The following LOX variants were observed in gnomAD, a reference collection of about 807,000 sequenced individuals.
LOX encodes lysyl oxidase.
A neutral mutation model predicts 50.5 loss-of-function variants in LOX; 12 were observed. The ratio of observed to expected loss-of-function variants is 0.24; its 90% CI spans 0.15 to 0.38. LOX has a LOEUF of 0.38. LOX is among the 10% of genes least tolerant of loss of function. The probability of loss-of-function intolerance (pLI) is 1.00; values close to 1 mark genes in which losing one functional copy is unlikely to be tolerated. For missense variants in LOX, 504 were observed against 563.8 expected, an observed-to-expected ratio of 0.89 and a Z score of 1.07; for synonymous variants, 254 against 230.6, an observed-to-expected ratio of 1.10 and a Z score of -0.92.
intron 6 of LOX, among the ~76,000 whole-genome samples, chr5:122,068,951 G>T (rs1561416573): frequency 6.6e-6 from 1 of 151,980 alleles, no homozygotes; most frequent in African/African-American, 2.4e-5. Context: ...TCGGGGGTTG[G>T]TTCTACTATA....
chr5:122,076,813 C>G, intron 2 of LOX, 80 bp downstream of exon 2: 1 of 1,228,992 alleles, frequency 8.1e-7, no homozygotes, highest in Non-Finnish European at 1.2e-6. Flanking sequence ...CTGCGCGAAG[C>G]AGTAGCAGTC....
intron 2 of LOX, 144 bp downstream of exon 2, chr5:122,076,749 G>T: frequency 1.5e-6 from 1 of 648,382 alleles, no homozygotes; most frequent in Non-Finnish European, 2.7e-6. Context: ...AGGTCAGCAT[G>T]CCCAGGAGGT....
Position 122,077,295 on chromosome 5 carries a change from G to A in LOX, c.631+60C>T. ...CGCCGCGCCCAGGCAGCCACGTCGA[G>A]AAGCCACATAGCTGGGGACCAGGTG... On this transcript the variant is annotated intron_variant, in intron 1 of 6. Transcript: ENST00000231004. This position sits in a 1 kb window ranked among gnomAD's most constrained non-coding sequence, Gnocchi z 4.9. 1 of 1,605,594 alleles carries A rather than the reference G, an allele frequency of 6.2e-7. No homozygotes were observed. The highest frequency in any genetic ancestry group is 8.5e-7 in the Non-Finnish European group (1 of 1,175,978).
At chr5:122,069,576 G>C (rs1370395812) in intron 6 of LOX, among the ~76,000 whole-genome samples, 4 of 152,084 alleles carry the variant, frequency 2.6e-5, no homozygotes, top group Non-Finnish European at 2.9e-5. Context: ...AATGGTTCTA[G>C]AACTCAAATA....
intron 2 of LOX, among the ~76,000 whole-genome samples, chr5:122,076,418 A>G (rs1754633000): frequency 2.6e-5 from 4 of 152,246 alleles, no homozygotes; most frequent in Admixed American, 2.0e-4. Context: ...TGGCTGAAGT[A>G]ATACCAAAAC....
intron 2 of LOX, 27 bp from the exon 3 acceptor site, chr5:122,075,568 T>C (rs1252667319): frequency 1.8e-5 from 27 of 1,482,112 alleles, no homozygotes; most frequent in Non-Finnish European, 2.4e-5. Flanking sequence ...AGAAAAATTA[T>C]TATATTCATG....
chr5:122,066,826 T>G (rs1033524795), intron 6 of LOX, 77 bp from the exon 7 acceptor site: 1 of 943,840 alleles, frequency 1.1e-6, no homozygotes, highest in Non-Finnish European at 1.7e-6. Context: ...AAATTTAAAG[T>G]CAACCTTTTA....
Position 122,065,980 on chromosome 5 carries a change from C to A in LOX, c.*763G>T, listed in dbSNP as rs532962477. ...ATATTAAGAATCCCACTTACAACAT[C>A]TCTGCCCATGGGAAAGATAAAATGA... On this transcript the variant is annotated 3_prime_UTR_variant, in exon 7 of 7. Transcript: ENST00000231004. 6.6e-6 allele frequency: 1 copy of A among 152,198 alleles called. No homozygotes were observed. Among genetic ancestry groups the A allele is most frequent in the Non-Finnish European group, 1.5e-5 (1 of 67,990 alleles). The allele number at this position is 152,198 out of a possible 1,614,324, so 9.4% of individuals were successfully genotyped here.
chr5:122,075,047 TAAA>T (rs1180142408), intron 3 of LOX, among the ~76,000 whole-genome samples: 2 of 152,354 alleles, frequency 1.3e-5, no homozygotes, highest in East Asian at 3.9e-4. Context: ...ATGCTTGTGA[TAAA>T]AAACGTGTGG....
chr5:122,070,212 G>C (rs1754410774), intron 5 of LOX, 44 bp from the exon 6 acceptor site: 1 of 1,076,738 alleles, frequency 9.3e-7, no homozygotes, highest in Non-Finnish European at 1.4e-6. Flanking sequence ...TTTCCATAGG[G>C]CTACAATAAG....
Position 122,070,608 on chromosome 5 carries a change from A to C in LOX, c.1036-19T>G. On this transcript the variant is annotated intron_variant, in intron 4 of 6. Transcript: ENST00000231004. Reference sequence around the variant, plus strand: ...TCAATCCCTAAGATAAACAAAATAAAAAATTTAAAATTATGGTATGTGGTC... The same window carrying C: ...TCAATCCCTAAGATAAACAAAATAACAAATTTAAAATTATGGTATGTGGTC... 7.3e-7 allele frequency: 1 copy of C among 1,366,084 alleles called. No homozygotes were observed. The highest frequency in any genetic ancestry group is 2.3e-5 in the East Asian group (1 of 43,522). 84.6% of individuals were successfully genotyped at this position (1,366,084 alleles called of 1,614,324 possible).
Position 122,075,400 on chromosome 5 carries a change from T to G in LOX, c.878+4A>C. The G allele has an allele frequency of 6.2e-7, 1 of 1,601,014 alleles. No individual in the cohort carries two copies. ...AAAAGTACCCAGGAGGCCCATTTAC[T>G]TACTGATGACAACTGTGCCATTCCC... On this transcript the variant is annotated splice_donor_region_variant and intron_variant, in intron 3 of 6. Coordinates refer to ENST00000231004, the MANE Select transcript of LOX (RefSeq NM_002317.7).
At chr5:122,074,241 TC>T in intron 3 of LOX, 72 bp from the exon 4 acceptor site, 2 of 1,310,490 alleles carry the variant, frequency 1.5e-6, no homozygotes, top group Non-Finnish European at 2.1e-6. Context: ...TTAAATGACT[TC>T]CCCCATGGCT....
chr5:122,077,790 G>A lies in LOX; in HGVS notation c.196C>T (p.Pro66Ser), dbSNP rs1248614276. The change falls in exon 1 of 7, where the codon CCT (proline) becomes TCT (serine). Residue 66 changes from proline to serine, a missense_variant. This residue lies in a region of LOX where 398 missense variants were observed against 365.8 expected (regional missense o/e 1.09). Coordinates refer to ENST00000231004, the MANE Select transcript of LOX (RefSeq NM_002317.7). This position sits in a 1 kb window ranked among gnomAD's most constrained non-coding sequence, Gnocchi z 4.9. ...SLLSLGSQYQ[P>S]QRRRDPGAAV... is the part of the protein sequence containing the mutation. ...GCGCCCGGGTCCCGGCGGCGCTGAG[G>A]CTGGTACTGTGAGCCCAGGCTCAGC... The A allele has an allele frequency of 1.9e-6, 3 of 1,549,896 alleles. No homozygotes were observed. The highest frequency in any genetic ancestry group is 2.6e-6 in the Non-Finnish European group (3 of 1,152,324).
At chr5:122,069,979 T>G in intron 6 of LOX, 74 bp downstream of exon 6, 1 of 1,029,340 alleles carries the variant, frequency 9.7e-7, no homozygotes, top group Non-Finnish European at 1.5e-6. Context: ...AACAGATACA[T>G]TCTATGTATA....
At chr5:122,074,276 A>G in intron 3 of LOX, 107 bp from the exon 4 acceptor site, 2 of 878,912 alleles carry the variant, frequency 2.3e-6, no homozygotes, top group East Asian at 5.0e-5. Flanking sequence ...TTCACATTAA[A>G]ATTGAGACCA....
In LOX at chr5:122,077,935, C is replaced by T. The variant is rs1410688638; in HGVS notation, c.51G>A (p.Ala17=). 6.7e-7 allele frequency: 1 copy of T among 1,500,630 alleles called. No homozygotes were observed. Among genetic ancestry groups the T allele is most frequent in the East Asian group, 2.5e-5 (1 of 39,658 alleles). 93.0% of individuals were successfully genotyped at this position (1,500,630 alleles called of 1,614,324 possible). The change falls in exon 1 of 7, where the codon GCG becomes GCA. Residue 17 remains alanine (A), a synonymous_variant. Transcript: ENST00000231004. This position sits in a 1 kb window ranked among gnomAD's most constrained non-coding sequence, Gnocchi z 4.9. ...VLLLGPLQLC[A]LVHCAPPAAG... ...CGGCGGGAGGGGCGCAGTGCACTAG[C>T]GCGCAGAGCTGCAAAGGCCCGAGCA...
rs1754216465 is a variant in LOX at position 122,063,345 on chromosome 5, T to TA, written c.*3397dup. On this transcript the variant is annotated 3_prime_UTR_variant, in exon 7 of 7. Coordinates refer to ENST00000231004, the MANE Select transcript of LOX (RefSeq NM_002317.7). ...AGTTCTTCAAAAAAGTTACACGTCTTACAAATAACATTCCTGAAAAATTTG... is the reference window on the plus strand; with the variant it reads ...AGTTCTTCAAAAAAGTTACACGTCTTAACAAATAACATTCCTGAAAAATTTG... The TA allele has an allele frequency of 6.6e-6, 1 of 151,942 alleles. No individual in the cohort carries two copies. Among genetic ancestry groups the TA allele is most frequent in the Non-Finnish European group, 1.5e-5 (1 of 67,894 alleles). 9.4% of individuals were successfully genotyped at this position (151,942 alleles called of 1,614,324 possible).
Position 122,063,403 on chromosome 5 carries a change from C to T in LOX, c.*3340G>A, listed in dbSNP as rs1754218486. The T allele has an allele frequency of 6.6e-6, 1 of 151,830 alleles. No individual in the cohort carries two copies. Among genetic ancestry groups the T allele is most frequent in the Admixed American group, 6.6e-5 (1 of 15,206 alleles). 9.4% of individuals were successfully genotyped at this position (151,830 alleles called of 1,614,324 possible). A position where few individuals can be genotyped will look rare whatever the true frequency, so the allele number is the denominator to read the frequency against. ...CTAAAACTTCACTAAAAACCTAACA[C>T]CAAATGACATGTTACTTAGTTTATA... On this transcript the variant is annotated 3_prime_UTR_variant, in exon 7 of 7. Transcript: ENST00000231004.
Sources: allele counts gnomAD v4.1 joint callset (sites outside exome capture counted in the v4.1 genomes callset), GRCh38; gene constraint gnomAD v4.1.1; regional missense constraint gnomAD v4.1.1; non-coding constraint Gnocchi (gnomAD v3.1); transcripts MANE v1.5; gene names NCBI Gene and HGNC (gene_info 2026-07-23, HGNC 2026-07-21).